Variants in NKAIN2 observed in about 807,000 individuals in gnomAD.
The protein encoded by NKAIN2 is sodium/potassium-transporting ATPase subunit beta-1-interacting protein 2.
Under a neutral mutation model 32.6 loss-of-function variants are expected in NKAIN2, and 14 were observed. That is an observed-to-expected ratio of 0.43 (90% CI 0.28 to 0.67). NKAIN2 has a LOEUF of 0.67. NKAIN2 is among the 30% of genes least tolerant of loss of function. The pLI is 0.17. For synonymous variants in NKAIN2, 80 were observed against 87.2 expected, an observed-to-expected ratio of 0.92 and a Z score of 0.46; for missense variants, 198 against 258.3, an observed-to-expected ratio of 0.77 and a Z score of 1.60.
intron 1 of NKAIN2, among the ~76,000 whole-genome samples, chr6:124,130,279 T>C (rs978300241): frequency 6.6e-6 from 1 of 152,302 alleles, no homozygotes; most frequent in Non-Finnish European, 1.5e-5. Flanking sequence ...ACCAAAATCA[T>C]GTTTTGAACT....
chr6:124,003,159 A>G (rs1398836169), intron 1 of NKAIN2, among the ~76,000 whole-genome samples: 2 of 152,198 alleles, frequency 1.3e-5, no homozygotes. Context: ...AGAACACAAC[A>G]TTCATTTTAT....
At chr6:124,283,610 G>A (rs1394973779) in intron 2 of NKAIN2, among the ~76,000 whole-genome samples, 2 of 152,136 alleles carry the variant, frequency 1.3e-5, no homozygotes, top group African/African-American at 4.8e-5. Context: ...GAATAATCTG[G>A]ACAGTTGCCT....
intron 1 of NKAIN2, among the ~76,000 whole-genome samples, chr6:124,081,748 C>T (rs1783976126): frequency 6.6e-6 from 1 of 151,962 alleles, no homozygotes; most frequent in East Asian, 1.9e-4. Flanking sequence ...TTGCAATACA[C>T]CATAGACTTA....
At chr6:123,977,366 A>G (rs1484361436) in intron 1 of NKAIN2, among the ~76,000 whole-genome samples, 5 of 152,176 alleles carry the variant, frequency 3.3e-5, no homozygotes, top group African/African-American at 1.2e-4. Flanking sequence ...AGCTGTGATC[A>G]TGCTGCTGCA....
intron 5 of NKAIN2, among the ~76,000 whole-genome samples, chr6:124,795,613 G>A (rs1779962127): frequency 6.6e-6 from 1 of 152,100 alleles, no homozygotes; most frequent in Non-Finnish European, 1.5e-5. Flanking sequence ...AAGTAAGGTG[G>A]CTTATAAATG....
intron 4 of NKAIN2, among the ~76,000 whole-genome samples, chr6:124,759,819 T>A (rs951838200): frequency 3.3e-5 from 5 of 151,672 alleles, no homozygotes; most frequent in Non-Finnish European, 4.4e-5. Context: ...AGCATGATAG[T>A]AAAAGTAAAA....
chr6:124,317,589 T>C (rs1797014552), intron 2 of NKAIN2, among the ~76,000 whole-genome samples: 2 of 152,060 alleles, frequency 1.3e-5, no homozygotes, highest in African/African-American at 4.8e-5. Context: ...ACTAGGGTGA[T>C]TGAGTTAGGT....
At chr6:124,346,584 T>G (rs923471171) in intron 2 of NKAIN2, among the ~76,000 whole-genome samples, 2 of 152,074 alleles carry the variant, frequency 1.3e-5, no homozygotes, top group African/African-American at 4.8e-5. Context: ...TTTACCATTA[T>G]GTAATGGCCT....
chr6:124,090,811 G>C (rs1035528776), intron 1 of NKAIN2, among the ~76,000 whole-genome samples: 1 of 151,834 alleles, frequency 6.6e-6, no homozygotes, highest in African/African-American at 2.4e-5. Flanking sequence ...TTTTATAATC[G>C]TTCAGTGCAT....
chr6:124,305,927 C>A (rs544010154), intron 2 of NKAIN2, among the ~76,000 whole-genome samples: 1 of 151,992 alleles, frequency 6.6e-6, no homozygotes, highest in East Asian at 1.9e-4. Context: ...TTCTTCTTTC[C>A]TTCCTTTCAG....
At chr6:124,696,109 A>G (rs1304926373) in intron 4 of NKAIN2, among the ~76,000 whole-genome samples, 1 of 152,130 alleles carries the variant, frequency 6.6e-6, no homozygotes, top group Non-Finnish European at 1.5e-5. Context: ...CCTCTCAGGT[A>G]GGAGGAAGGA....
At chr6:124,676,440 A>T (rs1292755803) in intron 4 of NKAIN2, among the ~76,000 whole-genome samples, 1 of 152,138 alleles carries the variant, frequency 6.6e-6, no homozygotes, top group Admixed American at 6.5e-5. Flanking sequence ...TCCTACTATC[A>T]TTTAATTGCT....
chr6:123,809,884 A>T (rs1329712569), intron 1 of NKAIN2, among the ~76,000 whole-genome samples: 1 of 152,204 alleles, frequency 6.6e-6, no homozygotes, highest in East Asian at 1.9e-4. Flanking sequence ...TGTGGATCAC[A>T]TGCTAACTTG....
chr6:124,535,116 A>AT (rs201959718), intron 3 of NKAIN2, among the ~76,000 whole-genome samples: 10 of 151,544 alleles, frequency 6.6e-5, no homozygotes, highest in Admixed American at 3.3e-4. Flanking sequence ...ATGCAACCAT[A>AT]TTTTTTTTTC....
intron 3 of NKAIN2, among the ~76,000 whole-genome samples, chr6:124,635,437 C>A (rs1783738986): frequency 6.6e-6 from 1 of 151,740 alleles, no homozygotes; most frequent in Non-Finnish European, 1.5e-5. Flanking sequence ...TACCAGAAAA[C>A]AATTAATAAA....
At chr6:124,115,976 CT>C (rs1222530747) in intron 1 of NKAIN2, among the ~76,000 whole-genome samples, 1 of 151,828 alleles carries the variant, frequency 6.6e-6, no homozygotes, top group Non-Finnish European at 1.5e-5. Context: ...AAAACACATA[CT>C]TTTTACTAAA....
At chr6:123,950,150 T>C (rs1052909781) in intron 1 of NKAIN2, among the ~76,000 whole-genome samples, 3 of 152,062 alleles carry the variant, frequency 2.0e-5, no homozygotes, top group African/African-American at 7.2e-5. Flanking sequence ...CACTTGATCA[T>C]GGTGTATTAT....
At chr6:123,942,039 T>C (rs1019670913) in intron 1 of NKAIN2, among the ~76,000 whole-genome samples, 3 of 152,010 alleles carry the variant, frequency 2.0e-5, no homozygotes, top group Admixed American at 1.3e-4. Context: ...AAATAGCTAG[T>C]TGACTTTTGC....
chr6:124,226,681 T>C (rs940176794), intron 1 of NKAIN2, among the ~76,000 whole-genome samples: 2 of 152,098 alleles, frequency 1.3e-5, no homozygotes, highest in Admixed American at 1.3e-4. Flanking sequence ...GACAAAAAGT[T>C]ATATTAAAGT....
Sources: allele counts gnomAD v4.1 joint callset (sites outside exome capture counted in the v4.1 genomes callset), GRCh38; gene constraint gnomAD v4.1.1; transcripts MANE v1.5; gene names NCBI Gene and HGNC (gene_info 2026-07-23, HGNC 2026-07-21).